The following ATP9B variants were observed in gnomAD, a reference collection of about 807,000 sequenced individuals.
ATP9B encodes probable phospholipid-transporting ATPase IIB.
ATP9B carries 110 observed loss-of-function variants against 146.1 expected under a neutral mutation model. The ratio of observed to expected loss-of-function variants is 0.75; its 90% confidence interval spans 0.65 to 0.88. The LOEUF is 0.88. Among genes scored for constraint, ATP9B ranks in the 40% least tolerant of loss-of-function variants. The probability of loss-of-function intolerance (pLI) is 0.00; values close to 1 mark genes in which losing one functional copy is unlikely to be tolerated. For missense variants in ATP9B, 1,499 were observed against 1,496.4 expected (o/e 1.00, Z -0.03); for synonymous variants, 604 against 569.7 (o/e 1.06, Z -0.86).
chr18:79,240,950 C>G (rs904758557), intron 11 of ATP9B, among the ~76,000 whole-genome samples: 2 of 152,112 alleles, frequency 1.3e-5, no homozygotes, highest in East Asian at 1.9e-4. Flanking sequence ...AAACACCTAA[C>G]CTCCTTAGAA....
chr18:79,359,139 C>A (rs1015938051), intron 25 of ATP9B, among the ~76,000 whole-genome samples: 1 of 152,144 alleles, frequency 6.6e-6, no homozygotes, highest in Non-Finnish European at 1.5e-5. Context: ...CATTCTTCTA[C>A]CCGTAAGCAT....
intron 10 of ATP9B, among the ~76,000 whole-genome samples, chr18:79,211,289 T>A (rs898798232): frequency 1.2e-4 from 18 of 152,224 alleles, no homozygotes; most frequent in Admixed American, 1.1e-3. Context: ...TGTAGTCAAT[T>A]AGAAGGTGGT....
At position 79,330,108 on chromosome 18, in the gene ATP9B, T is replaced by C. The variant is rs2096782110; in HGVS notation, c.2028+4T>C. On this transcript the variant is annotated splice_donor_region_variant and intron_variant, in intron 17 of 29. Transcript: ENST00000426216. ...TAATGACTGGCTGGAAGAGGAGGTA[T>C]GTGAGTGACTCTAGCGTGGTTCACA... 6.2e-7 allele frequency: 1 copy of C among 1,613,394 alleles called. No individual in the cohort carries two copies. Among genetic ancestry groups the C allele is most frequent in the African/African-American group, 1.3e-5 (1 of 74,906 alleles).
At chr18:79,265,069 C>G (rs1035259557) in intron 12 of ATP9B, among the ~76,000 whole-genome samples, 4 of 152,172 alleles carry the variant, frequency 2.6e-5, no homozygotes, top group African/African-American at 9.7e-5. Context: ...CTCCCACCCT[C>G]CAGCCTCCGA....
intron 13 of ATP9B, among the ~76,000 whole-genome samples, chr18:79,284,517 T>C (rs2096413551): frequency 6.6e-6 from 1 of 152,262 alleles, no homozygotes; most frequent in Non-Finnish European, 1.5e-5. Context: ...TATATTTGGC[T>C]TCACTTTTAA....
At chr18:79,307,400 G>A (rs2096625592) in intron 15 of ATP9B, 166 bp downstream of exon 15, 2 of 1,023,452 alleles carry the variant, frequency 2.0e-6, no homozygotes, top group Admixed American at 2.8e-5. Context: ...CCAGCATGTA[G>A]CCTCTGACGT....
At chr18:79,367,077 G>A (rs1384362319) in intron 26 of ATP9B, among the ~76,000 whole-genome samples, 27 of 142,000 alleles carry the variant, frequency 1.9e-4, no homozygotes, top group East Asian at 6.8e-4. Flanking sequence ...CACCTCCACC[G>A]TGTGTACGCA....
At chr18:79,349,585 T>G (rs1173465612) in intron 25 of ATP9B, among the ~76,000 whole-genome samples, 1 of 152,210 alleles carries the variant, frequency 6.6e-6, no homozygotes, top group East Asian at 1.9e-4. Context: ...GACAGCTCCC[T>G]GAATCCCAGG....
chr18:79,195,696 A>G lies in ATP9B; in HGVS notation c.954+2433A>G, dbSNP rs142130769. Among the ~76,000 whole-genome samples, 593 of 152,328 alleles carry G rather than the reference A, an allele frequency of 3.9e-3. 2 individuals carry two copies. Among genetic ancestry groups the G allele is most frequent in the African/African-American group, 0.013 (542 of 41,574 alleles). ...TAACGTGAATGAGAAGGCTAACTGA[A>G]CTCAGGAGAACACTGAACGTGAGCA... On this transcript the variant is annotated intron_variant, in intron 9 of 29. Transcript: ENST00000426216.
At chr18:79,354,914 CACTCT>C (rs775618552) in intron 25 of ATP9B, among the ~76,000 whole-genome samples, 3 of 152,254 alleles carry the variant, frequency 2.0e-5, no homozygotes, top group Non-Finnish European at 4.4e-5. Flanking sequence ...AGATGATCGT[CACTCT>C]ACTCCAGCCA....
At chr18:79,154,583 TA>T (rs1404255334) in intron 7 of ATP9B, 28 bp downstream of exon 7, 6 of 1,468,682 alleles carry the variant, frequency 4.1e-6, no homozygotes, top group Non-Finnish European at 5.5e-6. Flanking sequence ...AAAACTTACC[TA>T]ACTGTATATT....
chr18:79,142,607 A>G (rs2147403892), intron 5 of ATP9B, among the ~76,000 whole-genome samples: 1 of 152,348 alleles, frequency 6.6e-6, no homozygotes, highest in South Asian at 2.1e-4. Context: ...TAGGAATTAA[A>G]GTGGACATTT....
intron 15 of ATP9B, among the ~76,000 whole-genome samples, chr18:79,327,075 T>C (rs1297993820): frequency 1.3e-5 from 2 of 152,220 alleles, no homozygotes; most frequent in African/African-American, 4.8e-5. Flanking sequence ...CTACAGTCTC[T>C]CTAAGAGTGT....
chr18:79,122,341 C>T (rs1294056306), intron 4 of ATP9B, among the ~76,000 whole-genome samples: 1 of 152,050 alleles, frequency 6.6e-6, no homozygotes, highest in African/African-American at 2.4e-5. Flanking sequence ...TAGCTGCAGA[C>T]AAGTATATTT....
intron 4 of ATP9B, among the ~76,000 whole-genome samples, chr18:79,119,707 T>C (rs946825843): frequency 1.5e-4 from 23 of 152,236 alleles, no homozygotes; most frequent in Admixed American, 9.2e-4. Context: ...TGATTTACTT[T>C]TTAAATGATT....
intron 4 of ATP9B, among the ~76,000 whole-genome samples, chr18:79,123,142 C>A (rs1175321459): frequency 5.3e-5 from 8 of 152,024 alleles, no homozygotes; most frequent in Admixed American, 5.2e-4. Context: ...TCTCTAGTCA[C>A]AGATGGCATG....
At chr18:79,305,127 C>T (rs2096613613) in intron 14 of ATP9B, among the ~76,000 whole-genome samples, 1 of 152,190 alleles carries the variant, frequency 6.6e-6, no homozygotes, top group South Asian at 2.1e-4. Flanking sequence ...GGCCACCTGG[C>T]GACGTCAGCT....
At chr18:79,165,225 G>T (rs948470140) in intron 7 of ATP9B, among the ~76,000 whole-genome samples, 2 of 152,214 alleles carry the variant, frequency 1.3e-5, no homozygotes, top group Non-Finnish European at 2.9e-5. Context: ...TACAGGGCTG[G>T]TGTTCAGCTT....
intron 2 of ATP9B, among the ~76,000 whole-genome samples, chr18:79,108,957 A>G (rs1331966358): frequency 6.6e-6 from 1 of 152,228 alleles, no homozygotes; most frequent in Non-Finnish European, 1.5e-5. Flanking sequence ...TTTCTAAAGC[A>G]GGAGAGCATT....
Sources: allele counts gnomAD v4.1 joint callset (sites outside exome capture counted in the v4.1 genomes callset), GRCh38; gene constraint gnomAD v4.1.1; transcripts MANE v1.5; gene names NCBI Gene and HGNC (gene_info 2026-07-23, HGNC 2026-07-21).